ZNF107: variants seen among roughly 807,000 people sequenced by gnomAD.
ZNF107 encodes C2H2 type zinc-finger protein.
In ZNF107, 19 loss-of-function variants were observed where a neutral mutation model predicts 12.3. That is an observed-to-expected ratio of 1.55 (90% confidence interval 1.08 to 2.27). The LOEUF is 2.27. ZNF107 is among the 30% of genes most tolerant of loss of function. The pLI, the probability that ZNF107 is intolerant of heterozygous loss-of-function variation, is 0.00. For missense variants in ZNF107, 958 were observed against 979.9 expected (o/e 0.98, Z 0.30); for synonymous variants, 317 against 330.5 (o/e 0.96, Z 0.44).
At chr7:64,693,719 T>C (rs1028227328) in intron 3 of ZNF107, among the ~76,000 whole-genome samples, 2 of 152,186 alleles carry the variant, frequency 1.3e-5, no homozygotes, top group Admixed American at 1.3e-4. Context: ...GTAGGCCTTA[T>C]ATCAGGATGT....
chr7:64,673,867 C>T (rs1789323249), intron 1 of ZNF107, among the ~76,000 whole-genome samples: 1 of 152,156 alleles, frequency 6.6e-6, no homozygotes, highest in Non-Finnish European at 1.5e-5. Flanking sequence ...GTGAGAAGAC[C>T]AAATGGCTGT....
At chr7:64,678,750 A>G (rs879587265) in intron 1 of ZNF107, among the ~76,000 whole-genome samples, 1 of 152,174 alleles carries the variant, frequency 6.6e-6, no homozygotes. Context: ...TTAGTATGAT[A>G]TGCTTACTAG....
At chr7:64,688,441 G>A (rs1319772676) in intron 1 of ZNF107, among the ~76,000 whole-genome samples, 1 of 151,790 alleles carries the variant, frequency 6.6e-6, no homozygotes, top group East Asian at 1.9e-4. Flanking sequence ...ATGTTTAGTG[G>A]AAGGGGGGGT....
intron 1 of ZNF107, among the ~76,000 whole-genome samples, chr7:64,683,321 G>C (rs2128960181): frequency 6.6e-6 from 1 of 152,296 alleles, no homozygotes; most frequent in Non-Finnish European, 1.5e-5. Flanking sequence ...TCTTCTGCCA[G>C]CCAAGGCTGG....
chr7:64,681,376 AGCACTCCTTTTT>A (rs1311871902), intron 1 of ZNF107, among the ~76,000 whole-genome samples: 1 of 151,918 alleles, frequency 6.6e-6, no homozygotes, highest in African/African-American at 2.4e-5. Context: ...CAACTAGATC[AGCACTCCTTTTT>A]GCACTCCTTT....
chr7:64,668,945 G>A (rs905959364), intron 1 of ZNF107: 1 of 146,842 alleles, frequency 6.8e-6, no homozygotes, highest in African/African-American at 2.5e-5. Flanking sequence ...TTTTGTTACA[G>A]TAAATACCTC....
At chr7:64,700,254 G>C (rs1033920207) in intron 3 of ZNF107, among the ~76,000 whole-genome samples, 1 of 152,006 alleles carries the variant, frequency 6.6e-6, no homozygotes, top group Non-Finnish European at 1.5e-5. Flanking sequence ...CAACTTCCTC[G>C]TGAATAGCTT....
At chr7:64,671,781 T>C (rs1402273037) in intron 1 of ZNF107, among the ~76,000 whole-genome samples, 8 of 138,850 alleles carry the variant, frequency 5.8e-5, no homozygotes, top group Non-Finnish European at 9.3e-5. Flanking sequence ...TTTTTGTTCT[T>C]TTTTTTTTTT....
At chr7:64,675,528 A>T (rs113122228) in intron 1 of ZNF107, among the ~76,000 whole-genome samples, 3 of 151,974 alleles carry the variant, frequency 2.0e-5, no homozygotes, top group African/African-American at 7.2e-5. Flanking sequence ...TAACTTATTA[A>T]TTTTTTCAAA....
chr7:64,697,759 C>T (rs1790340969), intron 3 of ZNF107, among the ~76,000 whole-genome samples: 1 of 150,880 alleles, frequency 6.6e-6, no homozygotes, highest in South Asian at 2.1e-4. Context: ...GGCTCAACCT[C>T]GGCTCACTGC....
intron 3 of ZNF107, among the ~76,000 whole-genome samples, chr7:64,695,750 GA>G (rs1790266717): frequency 6.6e-6 from 1 of 152,126 alleles, no homozygotes; most frequent in African/African-American, 2.4e-5. Context: ...AGTAGTCATG[GA>G]AATCATCTTT....
At chr7:64,695,955 G>A (rs1790272858) in intron 3 of ZNF107, among the ~76,000 whole-genome samples, 1 of 152,244 alleles carries the variant, frequency 6.6e-6, no homozygotes, top group South Asian at 2.1e-4. Context: ...GCCAGGCATG[G>A]TGGTGGCTCA....
At chr7:64,695,979 A>G (rs749905542) in intron 3 of ZNF107, among the ~76,000 whole-genome samples, 17 of 151,796 alleles carry the variant, frequency 1.1e-4, no homozygotes, top group Middle Eastern at 6.8e-3. Flanking sequence ...CTATAATCCC[A>G]GGATTTTGGA....
At chr7:64,670,737 CTT>C (rs1359382456) in intron 1 of ZNF107, among the ~76,000 whole-genome samples, 1 of 152,196 alleles carries the variant, frequency 6.6e-6, no homozygotes, top group Non-Finnish European at 1.5e-5. Flanking sequence ...TTCCCCATCT[CTT>C]TTCTTTGTCC....
In ZNF107 at chr7:64,672,699, G is replaced by T. The variant is rs1562822865; in HGVS notation, c.3+6414G>T. Among the ~76,000 whole-genome samples the T allele has an allele frequency of 1.3e-5, 2 of 152,096 alleles. 1 individual carries two copies. Among genetic ancestry groups the T allele is most frequent in the Non-Finnish European group, 2.9e-5 (2 of 68,028 alleles). ...TCTTTATCCAGTCTACCGTCGATAG[G>T]TATTTGGTTGATTCCGTATCTTTGC... On this transcript the variant is annotated intron_variant, in intron 1 of 3. Transcript: ENST00000620827.
At chr7:64,674,897 G>A (rs752223453) in intron 1 of ZNF107, among the ~76,000 whole-genome samples, 2 of 152,154 alleles carry the variant, frequency 1.3e-5, no homozygotes, top group Non-Finnish European at 2.9e-5. Context: ...TTTATGTGAT[G>A]AATCACATTT....
Position 64,688,449 on chromosome 7 carries a change from G to T in ZNF107, c.4-2799G>T, listed in dbSNP as rs191908800. 7.4e-3 allele frequency among the ~76,000 whole-genome samples: 1,121 copies of T among 151,946 alleles called. 12 individuals are homozygous for T. Among genetic ancestry groups the T allele is most frequent in the African/African-American group, 0.026 (1,080 of 41,416 alleles). On this transcript the variant is annotated intron_variant, in intron 1 of 3. Transcript: ENST00000620827. ...TTTTTGTATGTTTAGTGGAAGGGGG[G>T]GTTTCACCATGTTGGCCAGGCTGGT...
At chr7:64,679,610 G>A (rs958045318) in intron 1 of ZNF107, among the ~76,000 whole-genome samples, 1 of 151,966 alleles carries the variant, frequency 6.6e-6, no homozygotes, top group Non-Finnish European at 1.5e-5. Context: ...GTTCATTATG[G>A]GCACCCTTCC....
In ZNF107 at chr7:64,709,528, C is replaced by T; in HGVS notation, c.*872C>T. The T allele has an allele frequency of 2.8e-6, 1 of 362,736 alleles. No individual in the cohort carries two copies. The highest frequency in any genetic ancestry group is 8.6e-5 in the East Asian group (1 of 11,646). The allele number at this position is 362,736 out of a possible 1,614,324, so 22.5% of individuals were successfully genotyped here. On this transcript the variant is annotated 3_prime_UTR_variant, in exon 4 of 4. Coordinates refer to ENST00000620827, the MANE Select transcript of ZNF107 (RefSeq NM_001282359.2). Reference sequence around the variant, plus strand: ...AACATAAATCATACTGGTGAAAAATCCTAGAAATGTGAAAAATATCACAAA... The same window carrying T: ...AACATAAATCATACTGGTGAAAAATTCTAGAAATGTGAAAAATATCACAAA...
Sources: gnomAD v4.1 joint callset for allele counts (sites outside exome capture counted in the v4.1 genomes callset) on GRCh38, gnomAD v4.1.1 for gene constraint, MANE v1.5 for transcripts, NCBI Gene and HGNC (gene_info 2026-07-23, HGNC 2026-07-21) for gene names.